ITGA8: variants seen among roughly 807,000 people sequenced by gnomAD.
The protein encoded by ITGA8 is integrin subunit alpha 8, also known as integrin alpha-8.
In ITGA8, 91 loss-of-function variants were observed where a neutral mutation model predicts 142.3. The ratio of observed to expected loss-of-function variants is 0.64; its 90% CI spans 0.54 to 0.76. ITGA8 has a LOEUF of 0.76. Ranked by LOEUF, ITGA8 falls within the 30% of genes least tolerant of loss-of-function variation. The pLI is 0.00. For missense variants in ITGA8, 1,406 were observed against 1,327.7 expected (o/e 1.06, Z -0.92); for synonymous variants, 505 against 485.2 (o/e 1.04, Z -0.54).
chr10:15,628,517 A>G (rs1833628823), intron 13 of ITGA8, among the ~76,000 whole-genome samples: 1 of 151,538 alleles, frequency 6.6e-6, no homozygotes, highest in African/African-American at 2.4e-5. Flanking sequence ...TATTTTTAGT[A>G]GAGACAGGGT....
chr10:15,707,281 A>G (rs1835277690), intron 2 of ITGA8, among the ~76,000 whole-genome samples: 2 of 152,182 alleles, frequency 1.3e-5, no homozygotes, highest in Admixed American at 1.3e-4. Flanking sequence ...TAATGTAATG[A>G]TAAGGATACT....
chr10:15,559,980 A>C (rs1833946488), intron 25 of ITGA8, among the ~76,000 whole-genome samples: 1 of 152,158 alleles, frequency 6.6e-6, no homozygotes, highest in Non-Finnish European at 1.5e-5. Flanking sequence ...CCCAAAACTT[A>C]AAATTAAATT....
At chr10:15,655,467 C>T (rs1437185123) in intron 10 of ITGA8, 61 bp from the exon 11 acceptor site, 1 of 1,078,716 alleles carries the variant, frequency 9.3e-7, no homozygotes, top group Non-Finnish European at 1.4e-6. Context: ...GTAGTCATGT[C>T]TCTATTATTC....
At chr10:15,607,939 A>G in intron 16 of ITGA8, 108 bp from the exon 17 acceptor site, 1 of 942,286 alleles carries the variant, frequency 1.1e-6, no homozygotes, top group South Asian at 1.5e-5. Flanking sequence ...GTTCTTTTTC[A>G]TAGTTGAGAC....
intron 2 of ITGA8, among the ~76,000 whole-genome samples, chr10:15,699,166 C>G (rs1835112472): frequency 6.6e-6 from 1 of 152,174 alleles, no homozygotes; most frequent in East Asian, 1.9e-4. Context: ...TGCCTGTAGT[C>G]TCAGCTACTC....
chr10:15,703,956 A>G (rs1835212122), intron 2 of ITGA8, among the ~76,000 whole-genome samples: 1 of 152,208 alleles, frequency 6.6e-6, no homozygotes, highest in South Asian at 2.1e-4. Context: ...TAGAACTGCC[A>G]GGCACTACTA....
rs750968598 is a variant in ITGA8, at chr10:15,606,360, G to A, written c.1827C>T (p.Asp609=). The part of the protein sequence containing the change: ...PINISLNYSL[D]ESTFKEGLEV... ...CCAGGCCTTCTTTAAAGGTGGATTC[G>A]TCCAAACTGTAATTCAAACTAATGT... The change falls in exon 18 of 30, where the codon GAC becomes GAT. Residue 609 remains aspartate, a synonymous_variant. Coordinates refer to ENST00000378076, the MANE Select transcript of ITGA8 (RefSeq NM_003638.3). The A allele has an allele frequency of 1.7e-5, 28 of 1,611,402 alleles. No individual in the cohort carries two copies. Among genetic ancestry groups the A allele is most frequent in the Non-Finnish European group, 2.2e-5 (26 of 1,178,024 alleles).
chr10:15,613,574 T>C (rs1219796039), intron 15 of ITGA8, 86 bp downstream of exon 15: 5 of 971,606 alleles, frequency 5.1e-6, no homozygotes, highest in Non-Finnish European at 8.2e-6. Flanking sequence ...TACCCCAGAC[T>C]TACTGAATCC....
chr10:15,657,951 GCA>G (rs1834217544), intron 10 of ITGA8, among the ~76,000 whole-genome samples: 1 of 152,136 alleles, frequency 6.6e-6, no homozygotes, highest in East Asian at 1.9e-4. Context: ...ATCATCATAA[GCA>G]CACGTATTCG....
chr10:15,525,645 CA>C (rs374326483), intron 28 of ITGA8, among the ~76,000 whole-genome samples: 1,414 of 63,606 alleles, frequency 0.022, 5 homozygotes, highest in African/African-American at 0.025. Context: ...AACTCCATCT[CA>C]AAAAAAAAAA....
chr10:15,572,316 C>G lies in ITGA8; in HGVS notation c.2532G>C (p.Trp844Cys). 6.2e-7 allele frequency: 1 copy of G among 1,613,996 alleles called. No individual in the cohort carries two copies. The highest frequency in any genetic ancestry group is 8.5e-7 in the Non-Finnish European group (1 of 1,179,952). Residue 844 changes from tryptophan (W) to cysteine (C), a missense_variant, in exon 25 of 30, where the codon TGG becomes TGC. Physicochemically the swap from Trp to Cys is radical, Grantham distance 215. Transcript: ENST00000378076. ...GAAATTCATCCCGGGCAGAGAAAGG[C>G]CAGCCCACCTCCAGGATGGTGTCAC... is the stretch of plus-strand genomic sequence containing the variant. Reference protein sequence around the residue: ...TISDTILEVGWPFSARDEFLL... With the variant: ...TISDTILEVGCPFSARDEFLL...
chr10:15,582,192 T>C (rs532612503), intron 23 of ITGA8, among the ~76,000 whole-genome samples: 2 of 152,282 alleles, frequency 1.3e-5, no homozygotes, highest in African/African-American at 4.8e-5. Context: ...TGAGCTTTGA[T>C]TGTGCCACTG....
rs1835002489 is a variant in ITGA8 at position 15,694,354 on chromosome 10, T to TATATCAGATAATATATCAC, written c.344-6317_344-6316insGTGATATATTATCTGATAT. 8.3e-4 allele frequency among the ~76,000 whole-genome samples: 85 copies of TATATCAGATAATATATCAC among 103,012 alleles called. 1 individual carries two copies. Among genetic ancestry groups the TATATCAGATAATATATCAC allele is most frequent in the Non-Finnish European group, 7.0e-4 (39 of 55,548 alleles). The allele number at this position is 103,012 out of a possible 152,430, so 67.6% of individuals were successfully genotyped here. On this transcript the variant is annotated intron_variant, in intron 2 of 29. Transcript: ENST00000378076. The stretch of plus-strand genomic sequence containing the variant: ...ATATCATATATCAGATAATATATCA[T>TATATCAGATAATATATCAC]ATATCAGATAATATATCATATATGA...
chr10:15,664,672 C>G (rs541086589), intron 8 of ITGA8, among the ~76,000 whole-genome samples: 2 of 146,140 alleles, frequency 1.4e-5, no homozygotes, highest in African/African-American at 5.1e-5. Context: ...CCCCCTCCCC[C>G]CAACCCACAA....
chr10:15,658,752 T>C (rs1288464353), intron 10 of ITGA8, among the ~76,000 whole-genome samples: 3 of 152,232 alleles, frequency 2.0e-5, no homozygotes, highest in Admixed American at 1.3e-4. Context: ...GAAATTATCA[T>C]GGACATTTAT....
chr10:15,649,052 C>G (rs1198023482), intron 11 of ITGA8, among the ~76,000 whole-genome samples: 2 of 152,046 alleles, frequency 1.3e-5, no homozygotes, highest in Non-Finnish European at 2.9e-5. Flanking sequence ...TGGCATTAGA[C>G]CTGGGTGGGA....
At chr10:15,531,946 A>C (rs1833307928) in intron 27 of ITGA8, among the ~76,000 whole-genome samples, 1 of 151,930 alleles carries the variant, frequency 6.6e-6, no homozygotes, top group Non-Finnish European at 1.5e-5. Context: ...ACTCTGTCTC[A>C]AAAAGAAAAA....
intron 13 of ITGA8, among the ~76,000 whole-genome samples, chr10:15,626,454 C>T (rs923736189): frequency 9.2e-5 from 14 of 152,110 alleles, no homozygotes; most frequent in Admixed American, 2.6e-4. Context: ...CTCCTGATCT[C>T]GTAATCCTCC....
intron 2 of ITGA8, among the ~76,000 whole-genome samples, chr10:15,710,198 A>G (rs1369162514): frequency 1.3e-5 from 2 of 152,128 alleles, no homozygotes; most frequent in South Asian, 2.1e-4. Context: ...TCTCATTACA[A>G]TTTCCTTCTT....
Sources: allele counts gnomAD v4.1 joint callset (sites outside exome capture counted in the v4.1 genomes callset), GRCh38; gene constraint gnomAD v4.1.1; transcripts MANE v1.5; gene names NCBI Gene and HGNC (gene_info 2026-07-23, HGNC 2026-07-21).